Variants in NRDC observed in about 807,000 individuals in gnomAD.
The protein encoded by NRDC is nardilysin convertase, also known as nardilysin.
In NRDC, 54 loss-of-function variants were observed where a neutral mutation model predicts 147.1. The ratio of observed to expected loss-of-function variants is 0.37; its 90% confidence interval spans 0.29 to 0.46. The LOEUF (loss-of-function observed/expected upper bound fraction) is 0.46. NRDC is among the 20% of genes least tolerant of loss of function. The pLI, the probability that NRDC is intolerant of heterozygous loss-of-function variation, is 1.00. For synonymous variants in NRDC, 440 were observed against 482.1 expected (o/e 0.91, Z 1.14); for missense variants, 1,082 against 1,370.6 (o/e 0.79, Z 3.33).
At chr1:51,814,970 A>C (rs976072092) in intron 11 of NRDC, among the ~76,000 whole-genome samples, 157 bp from the exon 12 acceptor site, 2 of 152,214 alleles carry the variant, frequency 1.3e-5, no homozygotes, top group Non-Finnish European at 2.9e-5. Flanking sequence ...TAAAAGTGCA[A>C]ATTTTAAAAG....
intron 9 of NRDC, among the ~76,000 whole-genome samples, chr1:51,819,566 G>T (rs921639796): frequency 2.6e-5 from 4 of 152,160 alleles, no homozygotes; most frequent in Non-Finnish European, 5.9e-5. Flanking sequence ...AAAACAAGGA[G>T]AAAGCATGAA....
At chr1:51,852,898 A>T (rs1010563313) in intron 1 of NRDC, among the ~76,000 whole-genome samples, 2 of 152,102 alleles carry the variant, frequency 1.3e-5, no homozygotes, top group Non-Finnish European at 2.9e-5. Context: ...TTCAATCATC[A>T]TAATCTGAGG....
intron 17 of NRDC, among the ~76,000 whole-genome samples, chr1:51,807,671 C>T (rs1679531618): frequency 6.6e-6 from 1 of 152,152 alleles, no homozygotes; most frequent in Admixed American, 6.5e-5. Flanking sequence ...CATGCCACTG[C>T]ACTCCAACCT....
At chr1:51,858,818 G>T (rs576118996) in intron 1 of NRDC, among the ~76,000 whole-genome samples, 1 of 152,240 alleles carries the variant, frequency 6.6e-6, no homozygotes, top group African/African-American at 2.4e-5. Context: ...TGGCTATCCT[G>T]AAACTCTTCT....
intron 10 of NRDC, among the ~76,000 whole-genome samples, chr1:51,817,305 A>G (rs1021804113): frequency 1.2e-5 from 1 of 82,056 alleles, no homozygotes; most frequent in African/African-American, 4.5e-5. Flanking sequence ...CTTGAGCCCC[A>G]CCCCCCCTCC....
chr1:51,789,539 A>G, intron 30 of NRDC, 29 bp downstream of exon 30: 2 of 1,596,802 alleles, frequency 1.3e-6, no homozygotes, highest in Non-Finnish European at 1.7e-6. Flanking sequence ...ACAACCCTAG[A>G]ATGGATGGAG....
chr1:51,791,526 T>C, intron 27 of NRDC, 52 bp downstream of exon 27: 2 of 1,414,774 alleles, frequency 1.4e-6, no homozygotes, highest in Middle Eastern at 1.8e-4. Context: ...ATGTAGCCCC[T>C]ACTCTCCATG....
At position 51,810,326 on chromosome 1, in the gene NRDC, A is replaced by G. The variant is rs754621437; in HGVS notation, c.1858T>C (p.Cys620Arg). The change falls in exon 16 of 31, where the codon TGT (cysteine) becomes CGT (arginine). Residue 620 changes from cysteine (C) to arginine (R), a missense_variant. Physicochemically the swap from Cys to Arg is radical, Grantham distance 180. Transcript: ENST00000352171. ...VLLSGANEGK[C>R]DLKEKWFGTQ... ...CCAAACCATTTCTCCTTGAGGTCAC[A>G]TTTTCCCTCATTAGCACCAGACAGT... 13 of 1,612,006 alleles carry G rather than the reference A, an allele frequency of 8.1e-6. No individual in the cohort carries two copies. Among genetic ancestry groups the G allele is most frequent in the Non-Finnish European group, 1.1e-5 (13 of 1,178,588 alleles).
chr1:51,809,871 C>A (rs558337802), intron 16 of NRDC, among the ~76,000 whole-genome samples: 1 of 151,774 alleles, frequency 6.6e-6, no homozygotes, highest in African/African-American at 2.4e-5. Context: ...CACCACTGCA[C>A]TCCAGCCTGA....
At chr1:51,877,144 C>CACCACT (rs1683370082) in intron 1 of NRDC, among the ~76,000 whole-genome samples, 1 of 151,722 alleles carries the variant, frequency 6.6e-6, no homozygotes, top group African/African-American at 2.4e-5. Context: ...GCCAAGATCG[C>CACCACT]GCCACTGCAC....
In NRDC at chr1:51,789,229, A is replaced by G. The variant is rs983803053; in HGVS notation, c.*7T>C. 29 of 1,612,608 alleles carry G rather than the reference A, an allele frequency of 1.8e-5. No homozygotes were observed. The highest frequency in any genetic ancestry group is 2.3e-5 in the Non-Finnish European group (27 of 1,178,802). On this transcript the variant is annotated 3_prime_UTR_variant, in exon 31 of 31. Transcript: ENST00000352171. Reference sequence around the variant, plus strand: ...CATTGCTTCAGGCCAACGTGACTGCAGTTTATTTATTTGACTATTTTATGG... The same window carrying G: ...CATTGCTTCAGGCCAACGTGACTGCGGTTTATTTATTTGACTATTTTATGG...
At chr1:51,800,470 C>T in intron 21 of NRDC, 86 bp downstream of exon 21, 1 of 1,447,456 alleles carries the variant, frequency 6.9e-7, no homozygotes, top group Non-Finnish European at 9.5e-7. Context: ...AGCACTGCAA[C>T]TATAGCCTTA....
At chr1:51,848,310 C>T (rs1048995772) in intron 1 of NRDC, among the ~76,000 whole-genome samples, 2 of 152,094 alleles carry the variant, frequency 1.3e-5, no homozygotes, top group African/African-American at 4.8e-5. Context: ...CCCGTCTCTA[C>T]TAAAAATACA....
intron 20 of NRDC, among the ~76,000 whole-genome samples, chr1:51,802,023 G>A (rs1213697244): frequency 2.0e-5 from 3 of 152,160 alleles, no homozygotes; most frequent in East Asian, 3.9e-4. Flanking sequence ...TCCTGACCTC[G>A]TGATCCGCCC....
chr1:51,823,818 A>G, intron 6 of NRDC, 32 bp from the exon 7 acceptor site: 1 of 1,518,598 alleles, frequency 6.6e-7, no homozygotes, highest in Non-Finnish European at 9.0e-7. Flanking sequence ...TATAGATATA[A>G]CTAAGTTAAC....
Position 51,865,197 on chromosome 1 carries a change from T to C in NRDC, c.341+13078A>G, listed in dbSNP as rs1050693017. On this transcript the variant is annotated intron_variant, in intron 1 of 30. Coordinates refer to ENST00000352171, the MANE Select transcript of NRDC (RefSeq NM_001101662.2). ...TTTATAAAAAGAAAAAACAACCCAATAGAAAAGCAGGCAATTTATAAAAGG... is the reference window on the plus strand; with the variant it reads ...TTTATAAAAAGAAAAAACAACCCAACAGAAAAGCAGGCAATTTATAAAAGG... 3.3e-5 allele frequency among the ~76,000 whole-genome samples: 5 copies of C among 151,732 alleles called. No homozygotes were observed. In the East Asian group the frequency reaches 7.7e-4, roughly 23 times the overall value.
intron 1 of NRDC, among the ~76,000 whole-genome samples, chr1:51,842,988 C>T (rs1012657796): frequency 2.8e-5 from 4 of 141,068 alleles, no homozygotes; most frequent in African/African-American, 1.0e-4. Flanking sequence ...GGCTTAAGCC[C>T]GGGACATGGA....
At chr1:51,816,954 A>T (rs1238231374) in intron 10 of NRDC, among the ~76,000 whole-genome samples, 1 of 152,214 alleles carries the variant, frequency 6.6e-6, no homozygotes, top group Non-Finnish European at 1.5e-5. Context: ...CAAGTATAAA[A>T]ATGCTTTATC....
chr1:51,816,401 A>AT lies in NRDC; in HGVS notation c.1362-13dup. ...GAAGTGGCTTCACCCTTTTAAAAAA[A>AT]TTTAATGGTCAGAAGAAAAAAACAA... is the stretch of plus-strand genomic sequence containing the variant. On this transcript the variant is annotated splice_polypyrimidine_tract_variant and intron_variant, in intron 10 of 30. Coordinates refer to ENST00000352171, the MANE Select transcript of NRDC (RefSeq NM_001101662.2). 6.5e-7 allele frequency: 1 copy of AT among 1,541,014 alleles called. No individual in the cohort carries two copies. The highest frequency in any genetic ancestry group is 8.8e-7 in the Non-Finnish European group (1 of 1,138,712).
Sources: allele counts gnomAD v4.1 joint callset (sites outside exome capture counted in the v4.1 genomes callset), GRCh38; gene constraint gnomAD v4.1.1; transcripts MANE v1.5; gene names NCBI Gene and HGNC (gene_info 2026-07-23, HGNC 2026-07-21).